The following FARP1 variants were observed in gnomAD, a reference collection of about 807,000 sequenced individuals.
The protein encoded by FARP1 is FERM, ARH/RhoGEF and pleckstrin domain protein 1.
FARP1 carries 52 observed loss-of-function variants against 128.8 expected under a neutral mutation model. The ratio of observed to expected loss-of-function variants is 0.40; its 90% confidence interval spans 0.32 to 0.51. The LOEUF (loss-of-function observed/expected upper bound fraction) is 0.51, where lower values mean the gene tolerates loss of function less well. FARP1 is among the 20% of genes least tolerant of loss of function. The probability of loss-of-function intolerance (pLI) is 0.45; values close to 1 mark genes in which losing one functional copy is unlikely to be tolerated. For missense variants in FARP1, 1,333 were observed against 1,367.9 expected (o/e 0.97, Z 0.40); for synonymous variants, 580 against 551.8 (o/e 1.05, Z -0.72).
In FARP1 at chr13:98,448,874, G is replaced by A. The variant is rs1399528854; in HGVS notation, c.*557G>A. ...TAGGACTCACTTCTCTGATTAATAA[G>A]CAATTTGCAGCACACAGCGTTCCAC... On this transcript the variant is annotated 3_prime_UTR_variant, in exon 27 of 27. Coordinates refer to ENST00000319562, the MANE Select transcript of FARP1 (RefSeq NM_005766.4). 2 of 152,126 alleles carry A rather than the reference G, an allele frequency of 1.3e-5. No individual in the cohort carries two copies. Among genetic ancestry groups the A allele is most frequent in the African/African-American group, 2.4e-5 (1 of 41,338 alleles). The allele number at this position is 152,126 out of a possible 1,614,324, so 9.4% of individuals were successfully genotyped here. A position where few individuals can be genotyped will look rare whatever the true frequency, so the allele number is the denominator to read the frequency against.
intron 3 of FARP1, among the ~76,000 whole-genome samples, chr13:98,364,201 G>A (rs1594448211): frequency 6.6e-6 from 1 of 152,176 alleles, no homozygotes; most frequent in African/African-American, 2.4e-5. Context: ...AAATGACTGG[G>A]TAGTACTTTT....
At chr13:98,321,007 C>T (rs1886970051) in intron 2 of FARP1, among the ~76,000 whole-genome samples, 1 of 152,116 alleles carries the variant, frequency 6.6e-6, no homozygotes, top group Non-Finnish European at 1.5e-5. Flanking sequence ...CTGTGACTCA[C>T]GAACTGGGAG....
intron 16 of FARP1, among the ~76,000 whole-genome samples, chr13:98,420,447 ATGAC>A (rs1411116546): frequency 6.6e-6 from 1 of 152,192 alleles, no homozygotes; most frequent in African/African-American, 2.4e-5. Context: ...CTGCTGCTGA[ATGAC>A]TGACCAGCTC....
chr13:98,274,620 A>T (rs1336872013), intron 2 of FARP1, among the ~76,000 whole-genome samples: 2 of 152,172 alleles, frequency 1.3e-5, no homozygotes, highest in African/African-American at 4.8e-5. Context: ...TAATGGAAAA[A>T]ACTGCAATTA....
chr13:98,395,255 G>A lies in FARP1; in HGVS notation c.1193G>A (p.Gly398Glu), dbSNP rs202146129. Residue 398 changes from glycine to glutamate, a missense_variant, in exon 13 of 27, where the codon GGA (glycine) becomes GAA (glutamate). By Grantham distance (98) the Gly-to-Glu change is moderately conservative. Coordinates refer to ENST00000319562, the MANE Select transcript of FARP1 (RefSeq NM_005766.4). ...QSQQSTSLTF[G>E]EGAESPGGQS... ...CAGCAGAGCACCAGCCTTACATTTG[G>A]AGAAGGTGCCGAATCTCCAGGGGGC... The A allele has an allele frequency of 1.4e-3, 2,222 of 1,604,612 alleles. 4 individuals carry two copies. Among genetic ancestry groups the A allele is most frequent in the Non-Finnish European group, 1.7e-3 (2,011 of 1,172,498 alleles).
chr13:98,303,772 T>A (rs1361603263), intron 2 of FARP1, among the ~76,000 whole-genome samples: 1 of 152,214 alleles, frequency 6.6e-6, no homozygotes, highest in Admixed American at 6.5e-5. Flanking sequence ...AGGAGTGGAA[T>A]TCTATGGAAT....
intron 2 of FARP1, among the ~76,000 whole-genome samples, chr13:98,289,978 G>A (rs117515091): frequency 1.3e-4 from 19 of 151,996 alleles, no homozygotes; most frequent in East Asian, 3.9e-4. Flanking sequence ...ATACACACGC[G>A]TACTTCTCCC....
At chr13:98,249,725 C>T (rs1344155187) in intron 2 of FARP1, among the ~76,000 whole-genome samples, 3 of 152,050 alleles carry the variant, frequency 2.0e-5, no homozygotes, top group Admixed American at 6.5e-5. Flanking sequence ...TCACACAGGC[C>T]TTGTGTTTAC....
chr13:98,388,285 GCCAGCCCTCTTCCTTTAGCT>G, intron 8 of FARP1, 78 bp from the exon 9 acceptor site: 1 of 836,192 alleles, frequency 1.2e-6, no homozygotes, highest in South Asian at 1.4e-5. Context: ...GCAGTCGCCT[GCCAGCCCTCTTCCTTTAGCT>G]CCCATAAGCA....
At chr13:98,251,807 G>T (rs1319347683) in intron 2 of FARP1, among the ~76,000 whole-genome samples, 2 of 152,114 alleles carry the variant, frequency 1.3e-5, no homozygotes, top group Non-Finnish European at 2.9e-5. Flanking sequence ...ACCATAAAAA[G>T]ATAGCAGATT....
At chr13:98,180,371 C>A (rs1009102705) in intron 1 of FARP1, among the ~76,000 whole-genome samples, 4 of 152,100 alleles carry the variant, frequency 2.6e-5, no homozygotes, top group Non-Finnish European at 5.9e-5. Flanking sequence ...ATGAGGCATC[C>A]ACCCCCATGA....
At chr13:98,431,456 T>C in intron 18 of FARP1, 176 bp downstream of exon 18, 1 of 497,472 alleles carries the variant, frequency 2.0e-6, no homozygotes, top group Non-Finnish European at 3.5e-6. Context: ...TTTGGTTACA[T>C]CTTGATTTTT....
intron 3 of FARP1, among the ~76,000 whole-genome samples, chr13:98,355,593 A>G (rs560347513): frequency 6.6e-6 from 1 of 152,302 alleles, no homozygotes; most frequent in East Asian, 1.9e-4. Flanking sequence ...ACAAGCCCTT[A>G]CTTAGGGCAA....
At chr13:98,214,289 A>G (rs1475251356) in intron 2 of FARP1, among the ~76,000 whole-genome samples, 27 of 152,084 alleles carry the variant, frequency 1.8e-4, no homozygotes, top group Admixed American at 1.6e-3. Flanking sequence ...TGGCTGGCTA[A>G]GCAGCAGGCC....
At chr13:98,260,357 G>C (rs1270344256) in intron 2 of FARP1, among the ~76,000 whole-genome samples, 2 of 152,236 alleles carry the variant, frequency 1.3e-5, no homozygotes, top group Non-Finnish European at 2.9e-5. Context: ...GTTGCCTATT[G>C]ATAGGTGAAA....
chr13:98,271,775 G>T (rs1884402210), intron 2 of FARP1, among the ~76,000 whole-genome samples: 1 of 152,186 alleles, frequency 6.6e-6, no homozygotes, highest in African/African-American at 2.4e-5. Flanking sequence ...TATTTATGGT[G>T]TATATGTGCC....
chr13:98,428,764 A>G (rs1219104527), intron 17 of FARP1, among the ~76,000 whole-genome samples: 3 of 152,122 alleles, frequency 2.0e-5, no homozygotes, highest in Non-Finnish European at 4.4e-5. Context: ...GCTCTTTGGT[A>G]TATACAGGGA....
intron 6 of FARP1, chr13:98,383,742 A>C (rs1889979214): frequency 6.6e-6 from 1 of 152,238 alleles, no homozygotes; most frequent in African/African-American, 2.4e-5. Context: ...AGTGTTGTTA[A>C]GGCGCAAGTC....
At chr13:98,271,827 A>G (rs1013440190) in intron 2 of FARP1, among the ~76,000 whole-genome samples, 16 of 152,268 alleles carry the variant, frequency 1.1e-4, no homozygotes, top group African/African-American at 3.4e-4. Context: ...GATAGACTGT[A>G]TATCAGTATA....
Sources: allele counts gnomAD v4.1 joint callset (sites outside exome capture counted in the v4.1 genomes callset), GRCh38; gene constraint gnomAD v4.1.1; transcripts MANE v1.5; gene names NCBI Gene and HGNC (gene_info 2026-07-23, HGNC 2026-07-21).